FANK1: variants seen among roughly 807,000 people sequenced by gnomAD.
FANK1 encodes the protein fibronectin type 3 and ankyrin repeat domains protein 1.
FANK1 carries 44 observed loss-of-function variants against 45.3 expected under a neutral mutation model. The ratio of observed to expected loss-of-function variants is 0.97; its 90% CI spans 0.76 to 1.25. The LOEUF (loss-of-function observed/expected upper bound fraction) is 1.25. Among genes scored for constraint, FANK1 ranks in the 50% most tolerant of loss-of-function variants. The pLI, the probability that FANK1 is intolerant of heterozygous loss-of-function variation, is 0.00. For missense variants in FANK1, 391 were observed against 424.4 expected (o/e 0.92, Z 0.69); for synonymous variants, 149 against 152.5 (o/e 0.98, Z 0.17).
At chr10:125,986,308 A>C (rs2134207943) in intron 2 of FANK1, among the ~76,000 whole-genome samples, 1 of 152,266 alleles carries the variant, frequency 6.6e-6, no homozygotes, top group East Asian at 1.9e-4. Flanking sequence ...CCGAGAAGTC[A>C]TTTAGATTTG....
At chr10:126,008,318 T>G (rs1288280627) in intron 7 of FANK1, 89 bp from the exon 8 acceptor site, 5 of 1,464,182 alleles carry the variant, frequency 3.4e-6, no homozygotes, top group Non-Finnish European at 4.5e-6. Context: ...AGTCCGGGTG[T>G]TGGGGCAAGC....
intron 6 of FANK1, among the ~76,000 whole-genome samples, chr10:125,998,744 T>C (rs1476209551): frequency 3.1e-5 from 2 of 64,644 alleles, no homozygotes; most frequent in Admixed American, 2.7e-4. Context: ...AAATGGATAC[T>C]TTTTTTCTGA....
intron 1 of FANK1, among the ~76,000 whole-genome samples, chr10:125,951,779 C>T (rs545038071): frequency 5.9e-5 from 9 of 152,144 alleles, no homozygotes; most frequent in Admixed American, 2.0e-4. Flanking sequence ...AGATACCTTC[C>T]GTTGAGTTTA....
chr10:125,932,399 C>T (rs1472106041), intron 1 of FANK1, among the ~76,000 whole-genome samples: 1 of 152,038 alleles, frequency 6.6e-6, no homozygotes, highest in African/African-American at 2.4e-5. Context: ...TGTAGTTTTA[C>T]TTGTAGAGGT....
intron 1 of FANK1, among the ~76,000 whole-genome samples, chr10:125,963,764 G>T (rs1414570336): frequency 3.3e-5 from 5 of 151,914 alleles, no homozygotes; most frequent in Admixed American, 3.3e-4. Flanking sequence ...TAGGGGGGAG[G>T]GATAGCATTA....
At chr10:126,003,721 G>A (rs1311519827) in intron 6 of FANK1, among the ~76,000 whole-genome samples, 1 of 151,818 alleles carries the variant, frequency 6.6e-6, no homozygotes, top group African/African-American at 2.4e-5. Context: ...TCTCTCCCAG[G>A]TTGGAGTGCA....
At chr10:125,970,128 T>C (rs1332062118) in intron 1 of FANK1, among the ~76,000 whole-genome samples, 3 of 152,224 alleles carry the variant, frequency 2.0e-5, no homozygotes, top group African/African-American at 7.2e-5. Context: ...CCGTTCTCAA[T>C]GAGCTGTTGG....
chr10:125,976,247 A>G (rs905363102), intron 1 of FANK1, among the ~76,000 whole-genome samples: 1 of 151,844 alleles, frequency 6.6e-6, no homozygotes, highest in African/African-American at 2.4e-5. Context: ...TGCCTTTAAC[A>G]TTCTTTCATT....
At chr10:125,939,401 T>C (rs1431596129) in intron 1 of FANK1, among the ~76,000 whole-genome samples, 1 of 152,224 alleles carries the variant, frequency 6.6e-6, no homozygotes, top group Admixed American at 6.5e-5. Context: ...TGTCTCAGGA[T>C]ATACATGCTA....
At chr10:125,942,068 T>G (rs1332639176) in intron 1 of FANK1, among the ~76,000 whole-genome samples, 1 of 152,202 alleles carries the variant, frequency 6.6e-6, no homozygotes, top group Non-Finnish European at 1.5e-5. Context: ...CACACCCTTC[T>G]GATGTGAAAT....
chr10:125,947,662 A>G lies in FANK1; in HGVS notation c.14-32499A>G, dbSNP rs1200967212. Among the ~76,000 whole-genome samples the G allele has an allele frequency of 1.4e-4, 21 of 150,732 alleles. No homozygotes were observed. The South Asian group carries it at 3.2e-3, about 23-fold the overall frequency. The stretch of plus-strand genomic sequence containing the variant: ...AGACTTAGACACCCACACATTAATA[A>G]TGGGAGACTTTAACACCCCACTGTC... On this transcript the variant is annotated intron_variant, in intron 1 of 10. Transcript: ENST00000368693.
intron 1 of FANK1, among the ~76,000 whole-genome samples, chr10:125,968,016 C>A (rs530001910): frequency 3.3e-5 from 5 of 151,960 alleles, no homozygotes; most frequent in African/African-American, 1.2e-4. Flanking sequence ...AATATTATTA[C>A]CATTACATGT....
At chr10:125,971,558 A>C (rs111994859) in intron 1 of FANK1, among the ~76,000 whole-genome samples, 2,918 of 152,160 alleles carry the variant, frequency 0.019, 96 homozygotes, top group African/African-American at 0.064. Flanking sequence ...TTCACAAGCT[A>C]GACCTGATTT....
At chr10:125,985,506 T>C (rs953414099) in intron 2 of FANK1, among the ~76,000 whole-genome samples, 4 of 152,256 alleles carry the variant, frequency 2.6e-5, no homozygotes, top group African/African-American at 9.6e-5. Flanking sequence ...ACTTTTATGG[T>C]AAATGTGTTT....
At chr10:125,953,023 T>C (rs866848348) in intron 1 of FANK1, among the ~76,000 whole-genome samples, 3 of 152,186 alleles carry the variant, frequency 2.0e-5, no homozygotes, top group Non-Finnish European at 2.9e-5. Context: ...CTCTGTTTCT[T>C]CGTAGTGGTT....
At chr10:125,997,854 C>A (rs1040246473) in intron 6 of FANK1, among the ~76,000 whole-genome samples, 1 of 152,248 alleles carries the variant, frequency 6.6e-6, no homozygotes, top group Non-Finnish European at 1.5e-5. Flanking sequence ...CAGGCCCCCG[C>A]TGCATTTCAG....
intron 1 of FANK1, among the ~76,000 whole-genome samples, chr10:125,910,679 G>A (rs112815364): frequency 6.6e-6 from 1 of 152,060 alleles, no homozygotes; most frequent in Non-Finnish European, 1.5e-5. Context: ...TATTGAATCA[G>A]TCCACTGCTG....
At chr10:125,986,233 A>G (rs1024805530) in intron 2 of FANK1, among the ~76,000 whole-genome samples, 1 of 152,144 alleles carries the variant, frequency 6.6e-6, no homozygotes, top group Non-Finnish European at 1.5e-5. Context: ...GGAGGCAGAG[A>G]CACGTACGTG....
chr10:125,932,863 C>T (rs1293908682), intron 1 of FANK1, among the ~76,000 whole-genome samples: 1 of 152,122 alleles, frequency 6.6e-6, no homozygotes, highest in Non-Finnish European at 1.5e-5. Context: ...GCTTTTATTA[C>T]ATGAGGTATG....
Sources: gnomAD v4.1 joint callset for allele counts (sites outside exome capture counted in the v4.1 genomes callset) on GRCh38, gnomAD v4.1.1 for gene constraint, MANE v1.5 for transcripts, NCBI Gene and HGNC (gene_info 2026-07-23, HGNC 2026-07-21) for gene names.